GRM7: variants seen among roughly 807,000 people sequenced by gnomAD.
GRM7 encodes metabotropic glutamate receptor 7.
In GRM7, 35 loss-of-function variants were observed where a neutral mutation model predicts 84.5. The observed-to-expected ratio is 0.41, with a 90% CI of 0.32 to 0.55. GRM7 has a LOEUF of 0.55. GRM7 is among the 20% of genes least tolerant of loss of function. The pLI is 0.19. For missense variants in GRM7, 1,003 were observed against 1,194.6 expected, an observed-to-expected ratio of 0.84 and a Z score of 2.36; for synonymous variants, 487 against 455.1, an observed-to-expected ratio of 1.07 and a Z score of -0.89.
rs574447634 is a variant in GRM7 at position 7,210,681 on chromosome 3, G to T, written c.736+64013G>T. 6.5e-4 allele frequency among the ~76,000 whole-genome samples: 99 copies of T among 152,238 alleles called. 1 individual carries two copies. Among genetic ancestry groups the T allele is most frequent in the Non-Finnish European group, 1.3e-3 (89 of 68,010 alleles). ...TGTCAGCATCTAAGCTGATATTCAG[G>T]ATAATGTTCGCCAAGAAAGCCTCTG... On this transcript the variant is annotated intron_variant, in intron 2 of 9. Transcript: ENST00000357716.
intron 4 of GRM7, among the ~76,000 whole-genome samples, chr3:7,320,841 T>C (rs532217695): frequency 6.6e-6 from 1 of 152,166 alleles, no homozygotes; most frequent in African/African-American, 2.4e-5. Flanking sequence ...TATTTATCCA[T>C]TGATACATCA....
At chr3:7,673,517 T>TAAA (rs35955518) in intron 8 of GRM7, among the ~76,000 whole-genome samples, 3 of 141,524 alleles carry the variant, frequency 2.1e-5, no homozygotes, top group Admixed American at 1.4e-4. Flanking sequence ...CAGTGACAGT[T>TAAA]AAAAAAAAAA....
At chr3:7,270,914 G>C (rs924841037) in intron 2 of GRM7, among the ~76,000 whole-genome samples, 1 of 152,148 alleles carries the variant, frequency 6.6e-6, no homozygotes, top group Non-Finnish European at 1.5e-5. Flanking sequence ...AGTCCACCTG[G>C]ATCTTGGGCT....
At chr3:7,610,706 C>T (rs75873460) in intron 8 of GRM7, among the ~76,000 whole-genome samples, 14,441 of 152,138 alleles carry the variant, frequency 0.095, 992 homozygotes, top group Non-Finnish European at 0.15. Flanking sequence ...TTTCATGATC[C>T]AGGGCATTAT....
At chr3:6,929,756 T>C (rs1405255202) in intron 1 of GRM7, among the ~76,000 whole-genome samples, 1 of 152,144 alleles carries the variant, frequency 6.6e-6, no homozygotes. Context: ...ACATTAAAAA[T>C]TGATTACAAT....
chr3:7,706,824 G>T (rs1235287942), intron 9 of GRM7, among the ~76,000 whole-genome samples: 3 of 152,066 alleles, frequency 2.0e-5, no homozygotes, highest in Non-Finnish European at 4.4e-5. Flanking sequence ...CAAAGCCTCT[G>T]CCATAACTCA....
intron 1 of GRM7, among the ~76,000 whole-genome samples, chr3:7,022,899 C>G (rs146052641): frequency 1.3e-5 from 2 of 152,076 alleles, no homozygotes; most frequent in African/African-American, 4.8e-5. Flanking sequence ...ATGGAGGAGG[C>G]AGGCAGTAGT....
At chr3:7,694,324 T>A in intron 9 of GRM7, 1 of 382,720 alleles carries the variant, frequency 2.6e-6, no homozygotes, top group East Asian at 1.6e-4. Flanking sequence ...GATGGCGTCA[T>A]CTCAAATTAA....
intron 8 of GRM7, among the ~76,000 whole-genome samples, chr3:7,602,024 G>A (rs542182532): frequency 7.0e-6 from 1 of 143,860 alleles, no homozygotes; most frequent in East Asian, 2.1e-4. Context: ...AACCAGCAGA[G>A]TGAATGGCAC....
At chr3:7,202,458 G>C (rs948803132) in intron 2 of GRM7, among the ~76,000 whole-genome samples, 2 of 152,096 alleles carry the variant, frequency 1.3e-5, no homozygotes, top group African/African-American at 4.8e-5. Context: ...AGCCTCCCAA[G>C]TGGCTGGGAT....
At chr3:7,448,341 G>A (rs992095069) in intron 5 of GRM7, among the ~76,000 whole-genome samples, 3 of 152,084 alleles carry the variant, frequency 2.0e-5, no homozygotes, top group African/African-American at 7.2e-5. Context: ...TTCCACAATG[G>A]CAAACTCTTT....
At chr3:7,257,614 A>G (rs1263154985) in intron 2 of GRM7, among the ~76,000 whole-genome samples, 3 of 152,218 alleles carry the variant, frequency 2.0e-5, no homozygotes, top group Non-Finnish European at 4.4e-5. Flanking sequence ...CAATTTATTC[A>G]TATCCAACTA....
At chr3:6,919,390 A>AGTG (rs1405926718) in intron 1 of GRM7, among the ~76,000 whole-genome samples, 9,962 of 115,992 alleles carry the variant, frequency 0.086, 494 homozygotes, top group Middle Eastern at 0.12. Context: ...TTTTTTTAAT[A>AGTG]GAGATGGGGT....
At chr3:7,696,302 G>T (rs1167598156) in intron 9 of GRM7, among the ~76,000 whole-genome samples, 1 of 152,122 alleles carries the variant, frequency 6.6e-6, no homozygotes, top group Non-Finnish European at 1.5e-5. Context: ...AGTTGAGAAG[G>T]TTTCCCCAAT....
chr3:7,294,725 G>A (rs899973549), intron 2 of GRM7, among the ~76,000 whole-genome samples: 16 of 152,248 alleles, frequency 1.1e-4, no homozygotes, highest in African/African-American at 2.9e-4. Context: ...TAAGCTAGCA[G>A]CATCAGCATC....
intron 1 of GRM7, among the ~76,000 whole-genome samples, chr3:6,951,187 C>A (rs1212433181): frequency 6.6e-6 from 1 of 152,188 alleles, no homozygotes; most frequent in African/African-American, 2.4e-5. Context: ...TTGGCTCCAC[C>A]CCCAGTCTGA....
At chr3:7,706,260 A>G (rs921903863) in intron 9 of GRM7, among the ~76,000 whole-genome samples, 3 of 152,194 alleles carry the variant, frequency 2.0e-5, no homozygotes, top group Admixed American at 6.5e-5. Context: ...TATGGAGTAG[A>G]GTGAAATTTC....
rs375970414 is a variant in GRM7 at position 7,578,649 on chromosome 3, C to T, written c.1743C>T (p.Ile581=). The part of the protein sequence containing the change: ...ENRTGCQDIP[I]IKLEWHSPWA... Reference sequence around the variant, plus strand: ...GAACCGGATGCCAGGATATTCCCATCATCAAACTGGAGTGGCACTCCCCCT... The same window carrying T: ...GAACCGGATGCCAGGATATTCCCATTATCAAACTGGAGTGGCACTCCCCCT... The change falls in exon 8 of 10, where the codon ATC becomes ATT. Residue 581 remains isoleucine (I), a synonymous_variant. Coordinates refer to ENST00000357716, the MANE Select transcript of GRM7 (RefSeq NM_000844.4). The T allele has an allele frequency of 1.9e-6, 3 of 1,613,762 alleles. No individual in the cohort carries two copies. Among genetic ancestry groups the T allele is most frequent in the Non-Finnish European group, 1.7e-6 (2 of 1,179,816 alleles).
intron 4 of GRM7, among the ~76,000 whole-genome samples, chr3:7,385,595 C>T (rs1202518919): frequency 1.3e-5 from 2 of 152,034 alleles, no homozygotes; most frequent in African/African-American, 2.4e-5. Flanking sequence ...CCACTGCACC[C>T]GGCCCCTCTA....
Sources: gnomAD v4.1 joint callset for allele counts (sites outside exome capture counted in the v4.1 genomes callset) on GRCh38, gnomAD v4.1.1 for gene constraint, MANE v1.5 for transcripts, NCBI Gene and HGNC (gene_info 2026-07-23, HGNC 2026-07-21) for gene names.